RNF43: variants seen among roughly 807,000 people sequenced by gnomAD.
The protein encoded by RNF43 is E3 ubiquitin-protein ligase RNF43.
Under a neutral mutation model 78.4 loss-of-function variants are expected in RNF43, and 37 were observed. The observed-to-expected ratio is 0.47, with a 90% CI of 0.36 to 0.62. RNF43 has a LOEUF of 0.62. RNF43 is among the 20% of genes least tolerant of loss of function. RNF43 has a pLI of 0.00. For synonymous variants in RNF43, 347 were observed against 395.0 expected (o/e 0.88, Z 1.44); for missense variants, 774 against 1,007.9 (o/e 0.77, Z 3.14).
chr17:58,382,319 GA>G (rs1973336927), intron 2 of RNF43, among the ~76,000 whole-genome samples: 1 of 152,112 alleles, frequency 6.6e-6, no homozygotes, highest in Admixed American at 6.5e-5. Context: ...TAGATATTAA[GA>G]AAAATGCATG....
At chr17:58,403,736 TA>T (rs1260726787) in intron 2 of RNF43, among the ~76,000 whole-genome samples, 6 of 152,338 alleles carry the variant, frequency 3.9e-5, no homozygotes, top group Non-Finnish European at 8.8e-5. Context: ...GATGCTTACA[TA>T]CTAGAGCTCT....
chr17:58,393,365 C>T (rs1231222801), intron 2 of RNF43, among the ~76,000 whole-genome samples: 1 of 152,164 alleles, frequency 6.6e-6, no homozygotes, highest in Non-Finnish European at 1.5e-5. Context: ...CAAGATGGTG[C>T]CACTGCACCC....
intron 2 of RNF43, among the ~76,000 whole-genome samples, chr17:58,397,429 G>C (rs1257567479): frequency 6.6e-6 from 1 of 152,194 alleles, no homozygotes; most frequent in Non-Finnish European, 1.5e-5. Flanking sequence ...GGGAGGCTGA[G>C]GCGGGAGGAC....
intron 2 of RNF43, among the ~76,000 whole-genome samples, chr17:58,389,126 A>G (rs527277189): frequency 6.6e-6 from 1 of 152,356 alleles, no homozygotes; most frequent in South Asian, 2.1e-4. Context: ...AACTAGTGGT[A>G]GGAAAATCAA....
At chr17:58,385,946 A>G (rs535405775) in intron 2 of RNF43, among the ~76,000 whole-genome samples, 294 of 152,194 alleles carry the variant, frequency 1.9e-3, no homozygotes, top group Non-Finnish European at 3.4e-3. Flanking sequence ...ATCTCTATGA[A>G]AAATTTTTTA....
intron 2 of RNF43, among the ~76,000 whole-genome samples, chr17:58,394,253 A>G (rs1973625683): frequency 6.6e-6 from 1 of 152,214 alleles, no homozygotes; most frequent in African/African-American, 2.4e-5. Flanking sequence ...TTGAAAGGTA[A>G]AACTACAAAA....
intron 3 of RNF43, among the ~76,000 whole-genome samples, chr17:58,368,313 C>T (rs1972998642): frequency 3.9e-5 from 6 of 152,076 alleles, no homozygotes; most frequent in African/African-American, 1.2e-4. Context: ...TTTGGGAGGC[C>T]GAGGCAGGCA....
In RNF43 at chr17:58,415,585, G is replaced by A. The variant is rs2143698137; in HGVS notation, c.-8C>T. ...CTGGTGGCCACCACTCATGCTACCA[G>A]CTGCAGCAATGCACTTCAACCATAC... On this transcript the variant is annotated 5_prime_UTR_variant, in exon 2 of 10. Transcript: ENST00000407977. The A allele has an allele frequency of 1.2e-6, 2 of 1,605,280 alleles. No individual in the cohort carries two copies. The highest frequency in any genetic ancestry group is 1.7e-6 in the Non-Finnish European group (2 of 1,179,904).
At chr17:58,392,341 A>G (rs1191308681) in intron 2 of RNF43, among the ~76,000 whole-genome samples, 1 of 152,224 alleles carries the variant, frequency 6.6e-6, no homozygotes, top group Non-Finnish European at 1.5e-5. Flanking sequence ...ATTAATCATG[A>G]GATATAATGG....
chr17:58,381,745 G>A (rs1031708726), intron 2 of RNF43, among the ~76,000 whole-genome samples: 25 of 152,144 alleles, frequency 1.6e-4, no homozygotes, highest in African/African-American at 5.8e-4. Context: ...AGCCTTTTAT[G>A]GCAGAATTCT....
intron 2 of RNF43, among the ~76,000 whole-genome samples, chr17:58,394,489 A>G (rs1218511084): frequency 6.6e-6 from 1 of 152,246 alleles, no homozygotes; most frequent in Non-Finnish European, 1.5e-5. Context: ...GAAGAAATCA[A>G]GTAAAGTAAG....
intron 2 of RNF43, among the ~76,000 whole-genome samples, chr17:58,375,976 G>A (rs548048707): frequency 1.3e-5 from 2 of 152,310 alleles, no homozygotes; most frequent in South Asian, 2.1e-4. Context: ...AAGGCAGAAG[G>A]GCCTGTGGTG....
intron 2 of RNF43, among the ~76,000 whole-genome samples, chr17:58,407,848 C>G (rs1189300360): frequency 6.6e-6 from 1 of 152,168 alleles, no homozygotes; most frequent in East Asian, 1.9e-4. Flanking sequence ...AAAGCCACGA[C>G]GGTTCTACTA....
chr17:58,380,623 C>T (rs1344442981), intron 2 of RNF43, among the ~76,000 whole-genome samples: 1 of 152,112 alleles, frequency 6.6e-6, no homozygotes, highest in African/African-American at 2.4e-5. Flanking sequence ...AAGACTAAAG[C>T]CAGACAGTCC....
intron 2 of RNF43, among the ~76,000 whole-genome samples, chr17:58,405,677 G>A (rs1219812175): frequency 6.7e-6 from 1 of 148,430 alleles, no homozygotes; most frequent in African/African-American, 2.5e-5. Flanking sequence ...AGGTGACAGA[G>A]AGAGAGACCC....
chr17:58,376,514 T>C (rs1973208757), intron 2 of RNF43, among the ~76,000 whole-genome samples: 1 of 152,140 alleles, frequency 6.6e-6, no homozygotes, highest in East Asian at 1.9e-4. Context: ...AAACAAATAA[T>C]AGCCATTTGA....
At chr17:58,378,690 T>C (rs1973255443) in intron 2 of RNF43, among the ~76,000 whole-genome samples, 1 of 152,160 alleles carries the variant, frequency 6.6e-6, no homozygotes, top group African/African-American at 2.4e-5. Context: ...AGGGGATGGA[T>C]GAAGAGGCCT....
At chr17:58,394,573 G>C (rs550556180) in intron 2 of RNF43, among the ~76,000 whole-genome samples, 2 of 152,336 alleles carry the variant, frequency 1.3e-5, no homozygotes, top group East Asian at 3.9e-4. Context: ...GCGTGGGTGA[G>C]AGTACACCTG....
intron 3 of RNF43, among the ~76,000 whole-genome samples, chr17:58,364,971 G>T (rs1972918842): frequency 6.6e-6 from 1 of 152,230 alleles, no homozygotes; most frequent in Non-Finnish European, 1.5e-5. Flanking sequence ...AGGCAGAGGA[G>T]ACACTCAAGC....
Sources: gnomAD v4.1 joint callset for allele counts (sites outside exome capture counted in the v4.1 genomes callset) on GRCh38, gnomAD v4.1.1 for gene constraint, MANE v1.5 for transcripts, NCBI Gene and HGNC (gene_info 2026-07-23, HGNC 2026-07-21) for gene names.